Variants in CCDC39 observed in about 807,000 individuals in gnomAD.
CCDC39 encodes the protein coiled-coil domain 39 molecular ruler complex subunit.
A neutral mutation model predicts 121.0 loss-of-function variants in CCDC39; 113 were observed. The ratio of observed to expected loss-of-function variants is 0.93; its 90% CI spans 0.80 to 1.09. The LOEUF (loss-of-function observed/expected upper bound fraction) is 1.09. Among genes scored for constraint, CCDC39 ranks in the 50% least tolerant of loss-of-function variants. CCDC39 has a pLI of 0.00. For missense variants in CCDC39, 1,063 were observed against 1,074.7 expected (o/e 0.99, Z 0.15); for synonymous variants, 349 against 352.2 (o/e 0.99, Z 0.10).
chr3:180,628,732 GTACT>G (rs892807613), intron 14 of CCDC39, among the ~76,000 whole-genome samples: 9 of 152,176 alleles, frequency 5.9e-5, no homozygotes, highest in African/African-American at 1.9e-4. Context: ...TTGTCTTCCA[GTACT>G]TACTTACAAA....
intron 13 of CCDC39, among the ~76,000 whole-genome samples, chr3:180,640,203 G>A (rs951755163): frequency 4.6e-5 from 7 of 152,014 alleles, no homozygotes; most frequent in African/African-American, 1.7e-4. Flanking sequence ...CTTTAAATAT[G>A]TGCAACTTAT....
chr3:180,678,750 A>G lies in CCDC39; in HGVS notation c.90+541T>C, dbSNP rs563768954. On this transcript the variant is annotated intron_variant, in intron 1 of 19. Coordinates refer to ENST00000476379, the MANE Select transcript of CCDC39 (RefSeq NM_181426.2). ...TCTTATGTTAATCTGTGACAACTCA[A>G]TCTTCTCTTTGAAAAACTGTAAACC... Among the ~76,000 whole-genome samples, 3 of 152,124 alleles carry G rather than the reference A, an allele frequency of 2.0e-5. No homozygotes were observed. The South Asian group carries it at 6.2e-4, about 32-fold the overall frequency.
intron 12 of CCDC39, among the ~76,000 whole-genome samples, chr3:180,643,205 C>T (rs1224825139): frequency 1.3e-5 from 2 of 151,914 alleles, no homozygotes; most frequent in African/African-American, 2.4e-5. Context: ...ATGATCCACC[C>T]GCCTCGGCCT....
intron 13 of CCDC39, among the ~76,000 whole-genome samples, chr3:180,636,677 C>G (rs1404382721): frequency 6.6e-6 from 1 of 152,126 alleles, no homozygotes; most frequent in South Asian, 2.1e-4. Flanking sequence ...TACCCAACTT[C>G]GAAGTACACT....
chr3:180,675,753 G>C (rs1462063982), intron 1 of CCDC39, among the ~76,000 whole-genome samples: 1 of 152,108 alleles, frequency 6.6e-6, no homozygotes, highest in Non-Finnish European at 1.5e-5. Context: ...TATACTACAA[G>C]GCTACAGTAA....
chr3:180,615,134 C>A (rs1328282214), intron 19 of CCDC39, 57 bp from the exon 20 acceptor site: 2 of 1,313,608 alleles, frequency 1.5e-6, no homozygotes, highest in South Asian at 1.5e-5. Context: ...TAGTATAGAC[C>A]CTCTCATTAT....
intron 6 of CCDC39, among the ~76,000 whole-genome samples, chr3:180,658,282 TAA>T (rs111715766): frequency 1.5e-4 from 18 of 119,592 alleles, no homozygotes; most frequent in Non-Finnish European, 1.4e-4. Flanking sequence ...AGAACCTCCT[TAA>T]AAAAAAAAAA....
chr3:180,630,590 C>T (rs1717669321), intron 14 of CCDC39, among the ~76,000 whole-genome samples: 1 of 152,148 alleles, frequency 6.6e-6, no homozygotes, highest in African/African-American at 2.4e-5. Context: ...TTACAAGTTC[C>T]ATCCCTTGTT....
intron 1 of CCDC39, among the ~76,000 whole-genome samples, chr3:180,667,949 T>G (rs1168854526): frequency 6.6e-6 from 1 of 152,134 alleles, no homozygotes; most frequent in East Asian, 1.9e-4. Flanking sequence ...GGGTCTAGAC[T>G]CCAGAGGCAG....
In CCDC39 at chr3:180,655,015, T is replaced by C. The variant is rs186439574; in HGVS notation, c.739-62A>G. 2.6e-5 allele frequency: 29 copies of C among 1,105,066 alleles called. No individual in the cohort carries two copies. The East Asian group carries it at 8.1e-4, about 31-fold the overall frequency. The allele number at this position is 1,105,066 out of a possible 1,614,324, so 68.5% of individuals were successfully genotyped here. On this transcript the variant is annotated intron_variant, in intron 6 of 19. Transcript: ENST00000476379. The stretch of plus-strand genomic sequence containing the variant: ...TTTAAACTGAGAAAACTAAAAGGAA[T>C]TTAGTTTCTATTTTTCTATTATTAC...
chr3:180,616,270 C>T lies in CCDC39; in HGVS notation c.2669+11G>A, dbSNP rs751853252. ...AGAGTTAAGCAGATTTTTTTTTAAC[C>T]CTCCGCTTACCTTGCTGATAGTGAA... is the stretch of plus-strand genomic sequence containing the variant. On this transcript the variant is annotated intron_variant, in intron 19 of 19. Coordinates refer to ENST00000476379, the MANE Select transcript of CCDC39 (RefSeq NM_181426.2). 4 of 1,611,686 alleles carry T rather than the reference C, an allele frequency of 2.5e-6. No homozygotes were observed. Among genetic ancestry groups the T allele is most frequent in the Admixed American group, 1.7e-5 (1 of 59,832 alleles).
chr3:180,668,481 T>C (rs1428946091), intron 1 of CCDC39, among the ~76,000 whole-genome samples: 4 of 152,174 alleles, frequency 2.6e-5, no homozygotes, highest in African/African-American at 4.8e-5. Context: ...TAATGGCTAG[T>C]TGTATATTAT....
intron 11 of CCDC39, among the ~76,000 whole-genome samples, chr3:180,646,322 A>C (rs1486418314): frequency 1.3e-5 from 2 of 152,026 alleles, no homozygotes; most frequent in Non-Finnish European, 2.9e-5. Context: ...TGCAGCCCTC[A>C]AGGAATTTAG....
Position 180,619,365 on chromosome 3 carries a change from C to T in CCDC39, c.2159G>A (p.Ser720Asn), listed in dbSNP as rs1379346337. ...TTGAATTTTTAGCTCATACTCATCA[C>T]CTGAAATGTAGAACATTTTTAGTTT... ...KQSFKKVTPS[S>N]DEYELKIQLE... Residue 720 changes from serine to asparagine, a missense_variant and splice_region_variant, in exon 16 of 20, where the codon AGT becomes AAT. Coordinates refer to ENST00000476379, the MANE Select transcript of CCDC39 (RefSeq NM_181426.2). The T allele has an allele frequency of 2.8e-6, 4 of 1,411,082 alleles. No homozygotes were observed. The highest frequency in any genetic ancestry group is 1.8e-4 in the Middle Eastern group (1 of 5,520). 87.4% of individuals were successfully genotyped at this position (1,411,082 alleles called of 1,614,324 possible).
intron 7 of CCDC39, among the ~76,000 whole-genome samples, chr3:180,653,722 G>A (rs1467019874): frequency 6.6e-6 from 1 of 152,064 alleles, no homozygotes; most frequent in African/African-American, 2.4e-5. Flanking sequence ...AAACAAAATA[G>A]TGCAGTCATC....
chr3:180,671,567 T>C (rs76706796), intron 1 of CCDC39, among the ~76,000 whole-genome samples: 2,365 of 152,268 alleles, frequency 0.016, 51 homozygotes, highest in African/African-American at 0.055. Flanking sequence ...TCAAAAGATT[T>C]AGTGGTCCAG....
rs1255437525 is a variant in CCDC39 at position 180,616,682 on chromosome 3, G to A, written c.2420C>T (p.Thr807Ile). 6.3e-7 allele frequency: 1 copy of A among 1,589,044 alleles called. No individual in the cohort carries two copies. Among genetic ancestry groups the A allele is most frequent in the East Asian group, 2.3e-5 (1 of 44,248 alleles). Residue 807 changes from threonine (T) to isoleucine (I), a missense_variant, in exon 18 of 20, where the codon ACA becomes ATA. Physicochemically the swap from Thr to Ile is moderately conservative, Grantham distance 89 (BLOSUM62 -1). Transcript: ENST00000476379. Reference sequence around the variant, plus strand: ...GTCTTTCAAAAGACGGATTTCCTTTGTGAGTTTTGCACACTGTTGGTAAAT... The same window carrying A: ...GTCTTTCAAAAGACGGATTTCCTTTATGAGTTTTGCACACTGTTGGTAAAT... ...ERVTKQCAKL[T>I]KEIRLLKDTK...
chr3:180,638,459 A>G (rs1316580667), intron 13 of CCDC39, among the ~76,000 whole-genome samples: 1 of 152,152 alleles, frequency 6.6e-6, no homozygotes, highest in East Asian at 1.9e-4. Context: ...CCAAGAAAAT[A>G]GAATGATGAC....
At chr3:180,652,532 C>A (rs1390584100) in intron 7 of CCDC39, among the ~76,000 whole-genome samples, 1 of 152,042 alleles carries the variant, frequency 6.6e-6, no homozygotes, top group African/African-American at 2.4e-5. Context: ...TATCACTAGA[C>A]CTGCTCAGAA....
Sources: gnomAD v4.1 joint callset for allele counts (sites outside exome capture counted in the v4.1 genomes callset) on GRCh38, gnomAD v4.1.1 for gene constraint, MANE v1.5 for transcripts, NCBI Gene and HGNC (gene_info 2026-07-23, HGNC 2026-07-21) for gene names.